Variants in FHIT observed in about 807,000 individuals in gnomAD.
The protein encoded by FHIT is fragile histidine triad diadenosine triphosphatase.
FHIT carries 19 observed loss-of-function variants against 17.9 expected under a neutral mutation model. The observed-to-expected ratio is 1.06, with a 90% CI of 0.74 to 1.56. The LOEUF (loss-of-function observed/expected upper bound fraction) is 1.56. FHIT is among the 40% of genes most tolerant of loss of function. The pLI, the probability that FHIT is intolerant of heterozygous loss-of-function variation, is 0.00. For missense variants in FHIT, 248 were observed against 189.2 expected (o/e 1.31, Z -1.82); for synonymous variants, 81 against 69.7 (o/e 1.16, Z -0.81).
At chr3:60,593,055 G>C (rs150783966) in intron 4 of FHIT, among the ~76,000 whole-genome samples, 63 of 152,260 alleles carry the variant, frequency 4.1e-4, no homozygotes, top group Non-Finnish European at 8.4e-4. Flanking sequence ...GCCCATCGCT[G>C]GGTATCCTGA....
intron 5 of FHIT, among the ~76,000 whole-genome samples, chr3:60,162,909 T>C (rs1282997316): frequency 6.6e-6 from 1 of 152,204 alleles, no homozygotes; most frequent in Non-Finnish European, 1.5e-5. Context: ...GAATCTTTCC[T>C]ATGAGAATTG....
At chr3:60,456,591 G>T (rs1293555943) in intron 5 of FHIT, among the ~76,000 whole-genome samples, 1 of 152,148 alleles carries the variant, frequency 6.6e-6, no homozygotes, top group Non-Finnish European at 1.5e-5. Flanking sequence ...CAGCAGCAGA[G>T]AATCTTTTAA....
chr3:60,264,908 A>C (rs1706492667), intron 5 of FHIT, among the ~76,000 whole-genome samples: 1 of 151,870 alleles, frequency 6.6e-6, no homozygotes, highest in Non-Finnish European at 1.5e-5. Context: ...TGAAATTTTA[A>C]TACCACAGAT....
intron 7 of FHIT, among the ~76,000 whole-genome samples, chr3:59,958,671 T>C (rs895803734): frequency 6.6e-6 from 1 of 152,214 alleles, no homozygotes; most frequent in African/African-American, 2.4e-5. Context: ...GAAATAATGA[T>C]GTTGGCTAGG....
chr3:60,630,934 T>TA (rs1202134208), intron 4 of FHIT, among the ~76,000 whole-genome samples: 2,093 of 93,038 alleles, frequency 0.022, 26 homozygotes, highest in African/African-American at 0.027. Context: ...CCCAGGTCAT[T>TA]AAAAAAAAAA....
intron 5 of FHIT, among the ~76,000 whole-genome samples, chr3:60,509,665 T>C (rs2034870906): frequency 6.6e-6 from 1 of 152,232 alleles, no homozygotes; most frequent in Non-Finnish European, 1.5e-5. Flanking sequence ...ATGTCCACTT[T>C]AGTCCTCTAA....
At chr3:60,452,413 A>G (rs1041205498) in intron 5 of FHIT, among the ~76,000 whole-genome samples, 1 of 152,206 alleles carries the variant, frequency 6.6e-6, no homozygotes, top group African/African-American at 2.4e-5. Flanking sequence ...TGACTAAATT[A>G]TTGGAAAGTA....
chr3:60,454,422 T>C (rs1156479778), intron 5 of FHIT, among the ~76,000 whole-genome samples: 1 of 151,632 alleles, frequency 6.6e-6, no homozygotes, highest in Non-Finnish European at 1.5e-5. Context: ...CCTCACTCTG[T>C]CACCCAGGCT....
intron 5 of FHIT, among the ~76,000 whole-genome samples, chr3:60,417,746 A>G (rs1702302879): frequency 6.6e-6 from 1 of 152,200 alleles, no homozygotes; most frequent in South Asian, 2.1e-4. Flanking sequence ...AAGTGGTCAC[A>G]GCAAATACCC....
At chr3:60,284,874 G>A (rs1422938623) in intron 5 of FHIT, among the ~76,000 whole-genome samples, 1 of 152,064 alleles carries the variant, frequency 6.6e-6, no homozygotes, top group Non-Finnish European at 1.5e-5. Flanking sequence ...CCCACTCAAG[G>A]ATTATTTAAT....
chr3:60,206,171 A>ATTATTATTATT (rs1553712180), intron 5 of FHIT, among the ~76,000 whole-genome samples: 20 of 143,938 alleles, frequency 1.4e-4, no homozygotes, highest in African/African-American at 3.4e-4. Flanking sequence ...TAATAATAAT[A>ATTATTATTATT]ATTATAACAC....
chr3:61,006,605 TC>T (rs558858124), intron 3 of FHIT, among the ~76,000 whole-genome samples: 1 of 54,350 alleles, frequency 1.8e-5, no homozygotes, highest in African/African-American at 5.7e-5. Context: ...GAAAACATAT[TC>T]TTTTTTTTTT....
intron 4 of FHIT, among the ~76,000 whole-genome samples, chr3:60,753,642 CTTTAAG>C (rs2042513479): frequency 1.3e-5 from 2 of 152,114 alleles, no homozygotes; most frequent in Admixed American, 6.5e-5. Flanking sequence ...CAAGTCAGTG[CTTTAAG>C]TTTTCTCATG....
chr3:60,166,056 G>C (rs749122883), intron 5 of FHIT, among the ~76,000 whole-genome samples: 1 of 151,962 alleles, frequency 6.6e-6, no homozygotes, highest in Admixed American at 6.5e-5. Context: ...TCAAGGAAAG[G>C]CTCCTGTAAT....
chr3:60,363,903 T>A (rs1034260279), intron 5 of FHIT, among the ~76,000 whole-genome samples: 1 of 152,158 alleles, frequency 6.6e-6, no homozygotes, highest in East Asian at 1.9e-4. Flanking sequence ...ACGGTCACCA[T>A]CCTCTAAAGG....
chr3:60,656,427 AACC>A (rs1553689582), intron 4 of FHIT, among the ~76,000 whole-genome samples: 1 of 152,224 alleles, frequency 6.6e-6, no homozygotes, highest in African/African-American at 2.4e-5. Flanking sequence ...CTAGAAGGCT[AACC>A]TGCTACCATG....
intron 4 of FHIT, among the ~76,000 whole-genome samples, chr3:60,763,922 C>T (rs1307283189): frequency 6.6e-6 from 1 of 152,110 alleles, no homozygotes; most frequent in Non-Finnish European, 1.5e-5. Context: ...AAGTTGTGTT[C>T]ATTTGTTTCA....
At chr3:60,833,643 T>A (rs1702413642) in intron 3 of FHIT, among the ~76,000 whole-genome samples, 1 of 152,198 alleles carries the variant, frequency 6.6e-6, no homozygotes, top group Non-Finnish European at 1.5e-5. Context: ...AAGGTCCATA[T>A]GCCCTTTATC....
At chr3:60,825,648 C>T (rs1702084833) in intron 3 of FHIT, among the ~76,000 whole-genome samples, 1 of 152,034 alleles carries the variant, frequency 6.6e-6, no homozygotes, top group Non-Finnish European at 1.5e-5. Flanking sequence ...GTGAACTGTG[C>T]ATGCGAGGGA....
Sources: gnomAD v4.1 joint callset for allele counts (sites outside exome capture counted in the v4.1 genomes callset) on GRCh38, gnomAD v4.1.1 for gene constraint, MANE v1.5 for transcripts, NCBI Gene and HGNC (gene_info 2026-07-23, HGNC 2026-07-21) for gene names.